The following MARCHF1 variants were observed in gnomAD, a reference collection of about 807,000 sequenced individuals.
MARCHF1 encodes the protein E3 ubiquitin-protein ligase MARCHF1.
MARCHF1 carries 40 observed loss-of-function variants against 54.2 expected under a neutral mutation model. The observed-to-expected ratio is 0.74, with a 90% CI of 0.57 to 0.96. The LOEUF (loss-of-function observed/expected upper bound fraction) is 0.96, where lower values mean the gene tolerates loss of function less well. MARCHF1 is among the 40% of genes least tolerant of loss of function. The pLI is 0.00. For synonymous variants in MARCHF1, 236 were observed against 236.3 expected (o/e 1.00, Z 0.01); for missense variants, 586 against 656.5 (o/e 0.89, Z 1.17).
Position 163,936,690 on chromosome 4 carries a change from G to A in MARCHF1, c.-39+51811C>T, listed in dbSNP as rs61603777. On this transcript the variant is annotated intron_variant, in intron 3 of 9. Transcript: ENST00000514618. ...GCACATCAAGGCTGGTTCTGGAAAT[G>A]ACTATACCAGCTTGAGATGTAAACC... Among the ~76,000 whole-genome samples, 24 of 152,320 alleles carry A rather than the reference G, an allele frequency of 1.6e-4. No individual in the cohort carries two copies. In the East Asian group the frequency reaches 4.2e-3, roughly 27 times the overall value.
chr4:164,061,351 A>C (rs1441239206), intron 2 of MARCHF1, among the ~76,000 whole-genome samples: 2 of 151,608 alleles, frequency 1.3e-5, no homozygotes, highest in African/African-American at 4.8e-5. Flanking sequence ...TTGATTCATA[A>C]TTTTTCCCCA....
At chr4:163,976,897 C>A (rs1579434955) in intron 3 of MARCHF1, among the ~76,000 whole-genome samples, 4 of 152,094 alleles carry the variant, frequency 2.6e-5, no homozygotes, top group Admixed American at 2.6e-4. Flanking sequence ...GGAATTATAG[C>A]CAAACACAGT....
chr4:163,713,526 TAATGTGCTACACA>T (rs1745169220), intron 4 of MARCHF1, among the ~76,000 whole-genome samples: 1 of 152,144 alleles, frequency 6.6e-6, no homozygotes, highest in South Asian at 2.1e-4. Flanking sequence ...GCATGGAACA[TAATGTGCTACACA>T]AATGGTAGCA....
At chr4:164,377,165 A>G (rs1731218010) in intron 1 of MARCHF1, among the ~76,000 whole-genome samples, 1 of 122,462 alleles carries the variant, frequency 8.2e-6, no homozygotes, top group Admixed American at 9.2e-5. Context: ...CAAAAATAAC[A>G]TTACATGTAA....
At chr4:163,579,676 G>A (rs756906469) in intron 8 of MARCHF1, among the ~76,000 whole-genome samples, 3 of 113,668 alleles carry the variant, frequency 2.6e-5, no homozygotes, top group Non-Finnish European at 3.7e-5. Context: ...ATAATAGAAC[G>A]GAATGAATAT....
intron 1 of MARCHF1, among the ~76,000 whole-genome samples, chr4:164,320,676 TG>T (rs1735117847): frequency 6.6e-6 from 1 of 151,684 alleles, no homozygotes; most frequent in African/African-American, 2.4e-5. Context: ...TACTACAACA[TG>T]GGAATGACCT....
intron 4 of MARCHF1, among the ~76,000 whole-genome samples, chr4:163,703,810 A>G (rs1350984825): frequency 1.3e-5 from 2 of 152,100 alleles, no homozygotes; most frequent in African/African-American, 4.8e-5. Flanking sequence ...AATGTGTCTG[A>G]TATTAATAGT....
chr4:163,640,710 C>G (rs1187226953), intron 5 of MARCHF1, among the ~76,000 whole-genome samples: 1 of 152,082 alleles, frequency 6.6e-6, no homozygotes, highest in East Asian at 1.9e-4. Flanking sequence ...GATGAATTGC[C>G]AACTTCATGC....
intron 2 of MARCHF1, among the ~76,000 whole-genome samples, chr4:164,031,577 T>C (rs1753879094): frequency 1.3e-5 from 2 of 152,170 alleles, no homozygotes; most frequent in Non-Finnish European, 2.9e-5. Context: ...TTTCTGTACC[T>C]GTTGAGATAA....
chr4:163,733,827 A>G (rs1249847766), intron 4 of MARCHF1, among the ~76,000 whole-genome samples: 2 of 152,220 alleles, frequency 1.3e-5, no homozygotes, highest in South Asian at 2.1e-4. Flanking sequence ...ACTGGCTTTT[A>G]TCAAAATAAA....
intron 1 of MARCHF1, among the ~76,000 whole-genome samples, chr4:164,152,691 T>TA (rs535737071): frequency 6.6e-6 from 1 of 152,106 alleles, no homozygotes; most frequent in Non-Finnish European, 1.5e-5. Context: ...TCAAGTTCGA[T>TA]AAAAAACAAT....
chr4:164,233,210 C>G lies in MARCHF1; in HGVS notation c.-322-121548G>C, dbSNP rs564852267. Among the ~76,000 whole-genome samples the G allele has an allele frequency of 5.3e-5, 8 of 151,824 alleles. No individual in the cohort carries two copies. The South Asian group carries it at 1.7e-3, about 32-fold the overall frequency. ...ACTCTCTTAACTCTTACTTTGTAGT[C>G]CAACTCTCATAACTGGGTTTCTGTT... On this transcript the variant is annotated intron_variant, in intron 1 of 9. Coordinates refer to ENST00000514618, the MANE Select transcript of MARCHF1 (RefSeq NM_001394959.1).
intron 3 of MARCHF1, among the ~76,000 whole-genome samples, chr4:163,946,185 C>T (rs1190005324): frequency 6.6e-6 from 1 of 152,094 alleles, no homozygotes; most frequent in African/African-American, 2.4e-5. Flanking sequence ...ACAAAAATCT[C>T]CACCATTTCC....
At chr4:163,549,354 G>A (rs971223039) in intron 8 of MARCHF1, among the ~76,000 whole-genome samples, 3 of 151,982 alleles carry the variant, frequency 2.0e-5, no homozygotes, top group Non-Finnish European at 2.9e-5. Flanking sequence ...TTGAGAAGAC[G>A]TTATCTCTCC....
intron 9 of MARCHF1, among the ~76,000 whole-genome samples, chr4:163,532,997 A>G (rs1400829143): frequency 1.3e-5 from 2 of 151,978 alleles, no homozygotes; most frequent in African/African-American, 4.8e-5. Flanking sequence ...CAAATGATAC[A>G]ACATTATACT....
At chr4:163,831,528 C>A (rs1749024879) in intron 4 of MARCHF1, among the ~76,000 whole-genome samples, 1 of 152,118 alleles carries the variant, frequency 6.6e-6, no homozygotes, top group South Asian at 2.1e-4. Context: ...GAGTTGGTGG[C>A]TGCAGTGAAC....
At chr4:164,252,339 C>T (rs890622853) in intron 1 of MARCHF1, among the ~76,000 whole-genome samples, 3 of 76,818 alleles carry the variant, frequency 3.9e-5, no homozygotes, top group African/African-American at 7.1e-5. Context: ...AAAAACAAAA[C>T]AAAACAAAAC....
chr4:163,533,028 T>TAA (rs1198325811), intron 9 of MARCHF1, among the ~76,000 whole-genome samples: 6 of 151,954 alleles, frequency 3.9e-5, no homozygotes, highest in Admixed American at 1.3e-4. Context: ...AACAAAAACT[T>TAA]ACGTCCACAC....
chr4:163,776,810 A>G (rs1747317866), intron 4 of MARCHF1, among the ~76,000 whole-genome samples: 2 of 152,156 alleles, frequency 1.3e-5, no homozygotes, highest in South Asian at 2.1e-4. Flanking sequence ...AGAAATGGTT[A>G]GTCTTGGGTA....
Sources: gnomAD v4.1 joint callset for allele counts (sites outside exome capture counted in the v4.1 genomes callset) on GRCh38, gnomAD v4.1.1 for gene constraint, MANE v1.5 for transcripts, NCBI Gene and HGNC (gene_info 2026-07-23, HGNC 2026-07-21) for gene names.